IARS2: variants seen among roughly 807,000 people sequenced by gnomAD.
IARS2 encodes isoleucine--tRNA ligase, mitochondrial.
In IARS2, 56 loss-of-function variants were observed where a neutral mutation model predicts 126.3. The ratio of observed to expected loss-of-function variants is 0.44; its 90% confidence interval spans 0.36 to 0.55. IARS2 has a LOEUF of 0.55. IARS2 is among the 20% of genes least tolerant of loss of function. The pLI is 0.00. For missense variants in IARS2, 1,127 were observed against 1,245.9 expected, an observed-to-expected ratio of 0.90 and a Z score of 1.44; for synonymous variants, 407 against 441.1, an observed-to-expected ratio of 0.92 and a Z score of 0.97.
At chr1:220,115,200 G>A (rs575205697) in intron 12 of IARS2, among the ~76,000 whole-genome samples, 1 of 152,210 alleles carries the variant, frequency 6.6e-6, no homozygotes, top group East Asian at 1.9e-4. Flanking sequence ...TATGTGTTAT[G>A]ATTTATTCCA....
At chr1:220,130,935 C>G (rs1316607040) in intron 14 of IARS2, among the ~76,000 whole-genome samples, 1 of 152,082 alleles carries the variant, frequency 6.6e-6, no homozygotes, top group East Asian at 1.9e-4. Context: ...CTATTCTGTC[C>G]CATTGGTCTA....
chr1:220,134,761 TG>T (rs929446976), intron 15 of IARS2: 11 of 264,592 alleles, frequency 4.2e-5, no homozygotes, highest in Admixed American at 3.3e-4. Flanking sequence ...AGTTCTTTGT[TG>T]TTGTTGTTTT....
intron 14 of IARS2, among the ~76,000 whole-genome samples, chr1:220,129,098 GT>G (rs1198725885): frequency 6.6e-5 from 10 of 152,020 alleles, no homozygotes; most frequent in Admixed American, 6.6e-4. Context: ...GGCCAGGCTG[GT>G]CTCAAACTCC....
At chr1:220,139,255 T>A in intron 18 of IARS2, 116 bp downstream of exon 18, 1 of 661,356 alleles carries the variant, frequency 1.5e-6, no homozygotes, top group Non-Finnish European at 2.4e-6. Flanking sequence ...TATAGCACTC[T>A]TGAAGAGAAA....
chr1:220,145,742 T>A, intron 22 of IARS2, 89 bp downstream of exon 22: 1 of 1,055,646 alleles, frequency 9.5e-7, no homozygotes, highest in Non-Finnish European at 1.3e-6. Flanking sequence ...GGGTTTATTC[T>A]AAAGGTAGAT....
At chr1:220,109,129 G>A (rs1308353040) in intron 10 of IARS2, among the ~76,000 whole-genome samples, 1 of 151,862 alleles carries the variant, frequency 6.6e-6, no homozygotes, top group African/African-American at 2.4e-5. Context: ...GGCCAGGCAC[G>A]GTGGCTCACC....
chr1:220,145,721 T>A lies in IARS2; in HGVS notation c.2896+68T>A, dbSNP rs766984360. 39 of 1,313,324 alleles carry A rather than the reference T, an allele frequency of 3.0e-5. No homozygotes were observed. In the African/African-American group the frequency reaches 4.9e-4, roughly 16 times the overall value. The allele number at this position is 1,313,324 out of a possible 1,614,324, so 81.4% of individuals were successfully genotyped here. On this transcript the variant is annotated intron_variant, in intron 22 of 22. Coordinates refer to ENST00000366922, the MANE Select transcript of IARS2 (RefSeq NM_018060.4). ...AATAATTATAGGTCATCTCCAACTT[T>A]CCAGTGGACTGGGTTTATTCTAAAG...
chr1:220,147,434 A>G (rs1657624044), intron 22 of IARS2, 59 bp from the exon 23 acceptor site: 2 of 1,546,294 alleles, frequency 1.3e-6, no homozygotes, highest in Admixed American at 3.4e-5. Context: ...AAACCAATTA[A>G]GAAACAGTGT....
At chr1:220,101,812 GAC>G (rs1014167322) in intron 3 of IARS2, among the ~76,000 whole-genome samples, 19 of 152,000 alleles carry the variant, frequency 1.3e-4, no homozygotes, top group Non-Finnish European at 1.8e-4. Context: ...CATCCTGGCT[GAC>G]ACAGTGAAAC....
At chr1:220,101,894 A>G (rs1656581194) in intron 3 of IARS2, among the ~76,000 whole-genome samples, 1 of 151,718 alleles carries the variant, frequency 6.6e-6, no homozygotes, top group Non-Finnish European at 1.5e-5. Flanking sequence ...CCAGCTACTC[A>G]GGAGGCTGAG....
chr1:220,117,485 C>G (rs1571853181), intron 12 of IARS2, among the ~76,000 whole-genome samples: 1 of 152,008 alleles, frequency 6.6e-6, no homozygotes, highest in East Asian at 1.9e-4. Flanking sequence ...CAGGCGTGAG[C>G]CACTGTGCCC....
At chr1:220,107,256 TAA>T in intron 10 of IARS2, 105 bp downstream of exon 10, 1 of 720,158 alleles carries the variant, frequency 1.4e-6, no homozygotes. Flanking sequence ...AACAAAAAAA[TAA>T]ATTATGTCTT....
At chr1:220,132,051 C>T (rs1657281529) in intron 14 of IARS2, among the ~76,000 whole-genome samples, 1 of 152,246 alleles carries the variant, frequency 6.6e-6, no homozygotes, top group South Asian at 2.1e-4. Flanking sequence ...CTGCCTTGGC[C>T]TCCCAAAGTG....
chr1:220,128,578 A>G (rs1033203595), intron 14 of IARS2, among the ~76,000 whole-genome samples: 5 of 152,184 alleles, frequency 3.3e-5, no homozygotes, highest in Non-Finnish European at 7.3e-5. Flanking sequence ...ATGCATGACT[A>G]TGTATTGAAA....
chr1:220,125,173 T>G, intron 12 of IARS2, 64 bp from the exon 13 acceptor site: 1 of 927,468 alleles, frequency 1.1e-6, no homozygotes, highest in Non-Finnish European at 1.6e-6. Flanking sequence ...TTCTTAATTT[T>G]AAAATGTTTG....
intron 12 of IARS2, among the ~76,000 whole-genome samples, chr1:220,117,559 G>A (rs2053251): frequency 0.042 from 6,378 of 152,054 alleles, 443 homozygotes; most frequent in African/African-American, 0.14. Flanking sequence ...AAGTGATTGA[G>A]GTGGGTGGGG....
intron 8 of IARS2, among the ~76,000 whole-genome samples, chr1:220,104,578 TCTTGC>T: frequency 6.6e-6 from 1 of 151,968 alleles, no homozygotes; most frequent in South Asian, 2.1e-4. Flanking sequence ...AGAGATGAGG[TCTTGC>T]TACATTGCCC....
chr1:220,094,533 G>T (rs935560157), intron 1 of IARS2, 50 bp downstream of exon 1: 2 of 1,472,710 alleles, frequency 1.4e-6, no homozygotes. Context: ...CGATCCGGCC[G>T]CGGGCACCGG....
At chr1:220,129,510 C>T (rs562118360) in intron 14 of IARS2, among the ~76,000 whole-genome samples, 3 of 152,284 alleles carry the variant, frequency 2.0e-5, no homozygotes, top group African/African-American at 7.2e-5. Context: ...TCATCCCTCC[C>T]TCTCACCCTT....
Sources: gnomAD v4.1 joint callset for allele counts (sites outside exome capture counted in the v4.1 genomes callset) on GRCh38, gnomAD v4.1.1 for gene constraint, MANE v1.5 for transcripts, NCBI Gene and HGNC (gene_info 2026-07-23, HGNC 2026-07-21) for gene names.